Variants in ADGRV1 observed in about 807,000 individuals in gnomAD.
ADGRV1 encodes the protein G-protein coupled receptor 98.
In ADGRV1, 359 loss-of-function variants were observed where a neutral mutation model predicts 596.2. That is an observed-to-expected ratio of 0.60 (90% CI 0.55 to 0.66). The LOEUF is 0.66. ADGRV1 is among the 30% of genes least tolerant of loss of function. ADGRV1 has a pLI of 0.00. For synonymous variants in ADGRV1, 2,681 were observed against 2,679.2 expected (o/e 1.00, Z -0.02); for missense variants, 7,274 against 7,575.6 (o/e 0.96, Z 1.48).
chr5:90,629,217 T>C lies in ADGRV1; in HGVS notation c.1517T>C (p.Phe506Ser), dbSNP rs746448177. Reference protein sequence around the residue: ...AEVSEPAELLFYIQDSDDVYG... With the variant: ...AEVSEPAELLSYIQDSDDVYG... ...TTTATTCCTTTACTTCAGCTTTTGTTCTACATTCAGGATAGTGATGATGTC... is the reference window on the plus strand; with the variant it reads ...TTTATTCCTTTACTTCAGCTTTTGTCCTACATTCAGGATAGTGATGATGTC... Residue 506 changes from phenylalanine (F) to serine (S), a missense_variant, in exon 9 of 90, where the codon TTC becomes TCC. By Grantham distance (155) the Phe-to-Ser change is radical. This residue lies in a region of ADGRV1 where 1,715 missense variants were observed against 1,708.8 expected (regional missense o/e 1.00). Transcript: ENST00000405460. 3.3e-6 allele frequency: 5 copies of C among 1,537,734 alleles called. No individual in the cohort carries two copies. The African/African-American group carries it at 6.9e-5, about 21-fold the overall frequency.
intron 84 of ADGRV1, among the ~76,000 whole-genome samples, chr5:90,966,159 C>A (rs1490230376): frequency 6.6e-6 from 1 of 152,090 alleles, no homozygotes; most frequent in African/African-American, 2.4e-5. Context: ...ATTACGATCA[C>A]TGAACAATGG....
At chr5:90,752,652 A>G (rs775982371) in intron 53 of ADGRV1, among the ~76,000 whole-genome samples, 6 of 152,210 alleles carry the variant, frequency 3.9e-5, no homozygotes, top group Admixed American at 6.5e-5. Context: ...TTATGGCTGC[A>G]TACCTAAAGA....
At chr5:90,919,711 T>C (rs77300758) in intron 83 of ADGRV1, among the ~76,000 whole-genome samples, 9,398 of 152,192 alleles carry the variant, frequency 0.062, 377 homozygotes, top group Non-Finnish European at 0.093. Flanking sequence ...AAAAATATTT[T>C]GGGCTGGGCG....
intron 85 of ADGRV1, among the ~76,000 whole-genome samples, chr5:90,997,991 A>G (rs939096410): frequency 2.0e-5 from 3 of 152,240 alleles, no homozygotes; most frequent in South Asian, 2.1e-4. Context: ...CATGTAAACA[A>G]TCAGACAAGC....
intron 1 of ADGRV1, among the ~76,000 whole-genome samples, chr5:90,574,594 G>A (rs185889767): frequency 1.6e-3 from 245 of 152,196 alleles, no homozygotes; most frequent in African/African-American, 5.6e-3. Context: ...TCGGGTTGAC[G>A]CCAGCTTCAT....
rs1744912808 is a variant in ADGRV1, at chr5:90,681,399, C to T, written c.5609C>T (p.Ser1870Leu). ...GGCGTATTTGAATTTAGCCCTGAGTCACTCTTTGTCAGTGGAACTGAACCA... is the reference window on the plus strand; with the variant it reads ...GGCGTATTTGAATTTAGCCCTGAGTTACTCTTTGTCAGTGGAACTGAACCA... ...AHGVFEFSPE[S>L]LFVSGTEPED... The change falls in exon 27 of 90, where the codon TCA (serine) becomes TTA (leucine). Residue 1870 changes from serine to leucine, a missense_variant. Coordinates refer to ENST00000405460, the MANE Select transcript of ADGRV1 (RefSeq NM_032119.4). 6.2e-7 allele frequency: 1 copy of T among 1,613,728 alleles called. No homozygotes were observed. Among genetic ancestry groups the T allele is most frequent in the Non-Finnish European group, 8.5e-7 (1 of 1,179,808 alleles).
chr5:90,723,966 T>C (rs2149790801), intron 45 of ADGRV1, among the ~76,000 whole-genome samples: 1 of 152,160 alleles, frequency 6.6e-6, no homozygotes, highest in South Asian at 2.1e-4. Flanking sequence ...TTAAAACATG[T>C]ACCAGTTGTA....
At chr5:90,975,858 A>AT (rs1234002249) in intron 84 of ADGRV1, among the ~76,000 whole-genome samples, 1 of 40,740 alleles carries the variant, frequency 2.5e-5, no homozygotes, top group Non-Finnish European at 4.0e-5. Context: ...TATAATAATA[A>AT]AAAAAAAATA....
At position 90,781,548 on chromosome 5, in the gene ADGRV1, G is replaced by A. The variant is rs876657819; in HGVS notation, c.13201G>A (p.Glu4401Lys). The A allele has an allele frequency of 6.8e-6, 11 of 1,610,682 alleles. No homozygotes were observed. Among genetic ancestry groups the A allele is most frequent in the Non-Finnish European group, 9.3e-6 (11 of 1,178,032 alleles). Residue 4401 changes from glutamate (E) to lysine (K), a missense_variant, in exon 65 of 90, where the codon GAA becomes AAA. Glu to Lys is a moderately conservative substitution (Grantham distance 56, BLOSUM62 1). Around this residue, in one of 5 missense-constraint regions of ADGRV1, gnomAD observed 3,643 missense variants for 3,809.2 expected, o/e 0.96. Coordinates refer to ENST00000405460, the MANE Select transcript of ADGRV1 (RefSeq NM_032119.4). ...MKNDNAEGII[E>K]FDPKYTAFEV... The stretch of plus-strand genomic sequence containing the variant: ...AAATGATAACGCAGAAGGCATCATT[G>A]AATTTGACCCAAAGTATACTGCCTT...
intron 86 of ADGRV1, among the ~76,000 whole-genome samples, chr5:91,091,365 T>C (rs751718562): frequency 1.3e-5 from 2 of 152,198 alleles, no homozygotes; most frequent in African/African-American, 2.4e-5. Context: ...GATAGTGGGG[T>C]TACAATTTCT....
intron 1 of ADGRV1, among the ~76,000 whole-genome samples, chr5:90,580,202 AGCATTGATG>A (rs1346627774): frequency 6.6e-6 from 1 of 152,190 alleles, no homozygotes; most frequent in African/African-American, 2.4e-5. Flanking sequence ...GTTTCTTCAC[AGCATTGATG>A]GCCTTTACAA....
At chr5:91,099,143 C>G (rs752955498) in intron 86 of ADGRV1, among the ~76,000 whole-genome samples, 2 of 152,082 alleles carry the variant, frequency 1.3e-5, no homozygotes, top group Non-Finnish European at 2.9e-5. Context: ...TATTCATCTA[C>G]GTAAATCTTC....
intron 21 of ADGRV1, among the ~76,000 whole-genome samples, chr5:90,658,545 G>C (rs1280027823): frequency 6.6e-6 from 1 of 152,126 alleles, no homozygotes; most frequent in Non-Finnish European, 1.5e-5. Context: ...GCTCTTCAAA[G>C]AACGTATGTG....
At position 90,805,435 on chromosome 5, in the gene ADGRV1, T is replaced by C; in HGVS notation, c.14813T>C (p.Val4938Ala). ...PGLEIPEFIVVGNMTPTLGSL... is the reference protein window; with the variant it reads ...PGLEIPEFIVAGNMTPTLGSL... ...TTAGAAATTCCTGAATTCATTGTTG[T>C]TGGCAACATGACCCCAACACTGGGT... The change falls in exon 72 of 90, where the codon GTT (valine) becomes GCT (alanine). Residue 4938 changes from valine (V) to alanine (A), a missense_variant. By Grantham distance (64) the Val-to-Ala change is moderately conservative. Transcript: ENST00000405460. 4 of 1,592,008 alleles carry C rather than the reference T, an allele frequency of 2.5e-6. No individual in the cohort carries two copies. Among genetic ancestry groups the C allele is most frequent in the Non-Finnish European group, 3.4e-6 (4 of 1,162,246 alleles).
At chr5:90,676,708 C>T (rs536336989) in intron 25 of ADGRV1, 2 of 153,496 alleles carry the variant, frequency 1.3e-5, no homozygotes, top group East Asian at 1.9e-4. Flanking sequence ...AGTTTTCATT[C>T]ATGGTAGGTT....
intron 59 of ADGRV1, among the ~76,000 whole-genome samples, chr5:90,768,872 T>C (rs1225209760): frequency 2.6e-5 from 4 of 152,224 alleles, no homozygotes; most frequent in Admixed American, 6.5e-5. Context: ...GGTCAACACC[T>C]GTGTAAGTGA....
intron 83 of ADGRV1, among the ~76,000 whole-genome samples, chr5:90,930,813 T>C (rs1775175892): frequency 6.6e-6 from 1 of 152,162 alleles, no homozygotes; most frequent in Non-Finnish European, 1.5e-5. Flanking sequence ...TAATGAAATA[T>C]CTCTCACAAT....
At chr5:91,060,729 G>C (rs1159610824) in intron 85 of ADGRV1, among the ~76,000 whole-genome samples, 2 of 152,184 alleles carry the variant, frequency 1.3e-5, no homozygotes, top group Non-Finnish European at 2.9e-5. Context: ...ACTAAAGATG[G>C]CAAATATGGG....
intron 82 of ADGRV1, among the ~76,000 whole-genome samples, chr5:90,862,557 A>G (rs1442838476): frequency 1.3e-5 from 2 of 152,026 alleles, no homozygotes; most frequent in Non-Finnish European, 2.9e-5. Context: ...ATCTAGCATG[A>G]CTCTGCAGTT....
Sources: gnomAD v4.1 joint callset for allele counts (sites outside exome capture counted in the v4.1 genomes callset) on GRCh38, gnomAD v4.1.1 for gene constraint, gnomAD v4.1.1 regional missense constraint, MANE v1.5 for transcripts, NCBI Gene and HGNC (gene_info 2026-07-23, HGNC 2026-07-21) for gene names.